NTRK3: variants seen among roughly 807,000 people sequenced by gnomAD.
NTRK3 encodes NT-3 growth factor receptor.
NTRK3 carries 24 observed loss-of-function variants against 91.7 expected under a neutral mutation model. The observed-to-expected ratio is 0.26, with a 90% confidence interval of 0.19 to 0.37. The LOEUF (loss-of-function observed/expected upper bound fraction) is 0.37. Ranked by LOEUF, NTRK3 falls within the 10% of genes least tolerant of loss-of-function variation. NTRK3 has a pLI of 1.00. For synonymous variants in NTRK3, 483 were observed against 404.0 expected (o/e 1.20, Z -2.34); for missense variants, 880 against 1,068.9 (o/e 0.82, Z 2.46).
chr15:88,247,110 C>T (rs1214296460), intron 3 of NTRK3, among the ~76,000 whole-genome samples: 1 of 152,212 alleles, frequency 6.6e-6, no homozygotes, highest in Non-Finnish European at 1.5e-5. Context: ...TGTGCCTGTG[C>T]CAAGACTCCC....
intron 14 of NTRK3, among the ~76,000 whole-genome samples, chr15:87,955,440 C>T (rs947772507): frequency 3.7e-4 from 57 of 152,330 alleles, no homozygotes; most frequent in Admixed American, 3.3e-3. Flanking sequence ...TTTGGGGACA[C>T]GGCATGGCTC....
At chr15:88,230,939 G>A (rs1247455025) in intron 3 of NTRK3, among the ~76,000 whole-genome samples, 1 of 152,202 alleles carries the variant, frequency 6.6e-6, no homozygotes, top group Admixed American at 6.5e-5. Context: ...GGTAGCCATG[G>A]CAGAATGGGC....
At chr15:87,943,224 G>A (rs2070082351) in intron 14 of NTRK3, among the ~76,000 whole-genome samples, 1 of 152,134 alleles carries the variant, frequency 6.6e-6, no homozygotes, top group African/African-American at 2.4e-5. Context: ...CTTCTTTGGT[G>A]GGGTGGGAAA....
intron 14 of NTRK3, among the ~76,000 whole-genome samples, chr15:87,969,075 C>T (rs1405933061): frequency 1.3e-5 from 2 of 152,130 alleles, no homozygotes; most frequent in African/African-American, 4.8e-5. Context: ...TGGAATTATC[C>T]TTCCTATGCC....
chr15:88,136,706 C>T (rs1292110796), intron 7 of NTRK3, 97 bp from the exon 8 acceptor site: 48 of 1,453,630 alleles, frequency 3.3e-5, no homozygotes, highest in Non-Finnish European at 4.1e-5. Context: ...CTTGCCTTGC[C>T]CAGTAATGAC....
At chr15:87,942,849 T>C (rs1196666643) in intron 14 of NTRK3, among the ~76,000 whole-genome samples, 1 of 152,178 alleles carries the variant, frequency 6.6e-6, no homozygotes, top group East Asian at 1.9e-4. Flanking sequence ...TGTTTTGGCA[T>C]TTTCATTATT....
intron 13 of NTRK3, among the ~76,000 whole-genome samples, chr15:88,110,919 G>A (rs1032483198): frequency 1.3e-5 from 2 of 152,182 alleles, no homozygotes; most frequent in African/African-American, 4.8e-5. Context: ...TGTGGGAGGA[G>A]CCCAGATGGA....
At chr15:88,199,727 A>C (rs570346547) in intron 3 of NTRK3, among the ~76,000 whole-genome samples, 1 of 152,294 alleles carries the variant, frequency 6.6e-6, no homozygotes, top group East Asian at 1.9e-4. Context: ...TAACTCCAGC[A>C]CCGGGGAAAG....
At position 88,125,032 on chromosome 15, in the gene NTRK3, T is replaced by C. The variant is rs76593373; in HGVS notation, c.1396+1239A>G. The stretch of plus-strand genomic sequence containing the variant: ...TCTTTCTTTGTTGCCCAGACCGGAA[T>C]GCAGTGGTGTGATGACAGCTCACTG... On this transcript the variant is annotated intron_variant, in intron 13 of 18. Transcript: ENST00000394480. 3.2e-3 allele frequency among the ~76,000 whole-genome samples: 494 copies of C among 152,336 alleles called. 17 individuals carry two copies. The East Asian group carries it at 0.082, about 25-fold the overall frequency.
chr15:88,232,160 C>T (rs1043457414), intron 3 of NTRK3, among the ~76,000 whole-genome samples: 17 of 152,032 alleles, frequency 1.1e-4, no homozygotes, highest in African/African-American at 3.6e-4. Flanking sequence ...CTGCACCTTC[C>T]GCCTGAAATG....
chr15:88,220,292 G>A (rs1233445945), intron 3 of NTRK3, among the ~76,000 whole-genome samples: 1 of 152,150 alleles, frequency 6.6e-6, no homozygotes, highest in Non-Finnish European at 1.5e-5. Flanking sequence ...CCTACTGTAG[G>A]CACGGAGAGG....
chr15:88,047,623 T>C lies in NTRK3; in HGVS notation c.1397-14578A>G, dbSNP rs183369551. Among the ~76,000 whole-genome samples the C allele has an allele frequency of 5.4e-4, 82 of 152,338 alleles. 1 individual carries two copies. Among genetic ancestry groups the C allele is most frequent in the African/African-American group, 1.8e-3 (74 of 41,572 alleles). On this transcript the variant is annotated intron_variant, in intron 13 of 18. Transcript: ENST00000394480. ...TCCTCATCAAAAGTCTGTTTCTTCATGCATCCATTAACCTAACAATGGTTC... is the reference window on the plus strand; with the variant it reads ...TCCTCATCAAAAGTCTGTTTCTTCACGCATCCATTAACCTAACAATGGTTC...
intron 3 of NTRK3, among the ~76,000 whole-genome samples, chr15:88,189,976 C>G (rs547880615): frequency 6.6e-6 from 1 of 152,118 alleles, no homozygotes; most frequent in Non-Finnish European, 1.5e-5. Flanking sequence ...AACACAAAGA[C>G]GCCCACCACC....
At chr15:87,994,258 A>G (rs2075513271) in intron 14 of NTRK3, among the ~76,000 whole-genome samples, 1 of 152,206 alleles carries the variant, frequency 6.6e-6, no homozygotes, top group Admixed American at 6.5e-5. Flanking sequence ...TGTGCCCCTC[A>G]AACACCATCA....
At chr15:88,118,139 A>T (rs2052311047) in intron 13 of NTRK3, among the ~76,000 whole-genome samples, 1 of 152,142 alleles carries the variant, frequency 6.6e-6, no homozygotes, top group African/African-American at 2.4e-5. Flanking sequence ...TCTGGTTAGC[A>T]GTTGTTTTGA....
At chr15:88,059,269 C>T (rs1014464466) in intron 13 of NTRK3, among the ~76,000 whole-genome samples, 5 of 152,166 alleles carry the variant, frequency 3.3e-5, no homozygotes, top group African/African-American at 1.2e-4. Context: ...GCAGTCCCTT[C>T]GGTGCCAGCT....
exon 19 of NTRK3, chr15:87,876,719 A>G (rs2064962089): frequency 5.2e-6 from 1 of 190,900 alleles, no homozygotes; most frequent in Non-Finnish European, 1.0e-5. Flanking sequence ...ATATATAAAT[A>G]TATATATATA....
At chr15:87,936,154 G>C (rs1417882864) in intron 15 of NTRK3, among the ~76,000 whole-genome samples, 1 of 152,168 alleles carries the variant, frequency 6.6e-6, no homozygotes, top group Non-Finnish European at 1.5e-5. Flanking sequence ...CCAGTCAGTG[G>C]CATGGGAAAG....
intron 3 of NTRK3, among the ~76,000 whole-genome samples, chr15:88,187,095 T>C (rs1054882959): frequency 6.6e-6 from 1 of 152,218 alleles, no homozygotes; most frequent in Admixed American, 6.5e-5. Context: ...TTTCCTCCTG[T>C]GCCTTACGGA....
Sources: gnomAD v4.1 joint callset for allele counts (sites outside exome capture counted in the v4.1 genomes callset) on GRCh38, gnomAD v4.1.1 for gene constraint, MANE v1.5 for transcripts, NCBI Gene and HGNC (gene_info 2026-07-23, HGNC 2026-07-21) for gene names.